The following SPNS2 variants were observed in gnomAD, a reference collection of about 807,000 sequenced individuals.
SPNS2 encodes the protein sphingosine-1-phosphate transporter SPNS2.
SPNS2 carries 37 observed loss-of-function variants against 57.6 expected under a neutral mutation model. The ratio of observed to expected loss-of-function variants is 0.64; its 90% CI spans 0.49 to 0.85. SPNS2 has a LOEUF of 0.85. Ranked by LOEUF, SPNS2 falls within the 40% of genes least tolerant of loss-of-function variation. The pLI is 0.00. For missense variants in SPNS2, 831 were observed against 779.1 expected, an observed-to-expected ratio of 1.07 and a Z score of -0.79; for synonymous variants, 440 against 346.9, an observed-to-expected ratio of 1.27 and a Z score of -2.98.
intron 9 of SPNS2, among the ~76,000 whole-genome samples, chr17:4,534,983 G>A (rs556031713): frequency 2.2e-4 from 33 of 152,284 alleles, no homozygotes; most frequent in African/African-American, 7.0e-4. Flanking sequence ...AGGGCCACTC[G>A]TTTCATCAGA....
At chr17:4,531,600 C>T (rs1441510401) in intron 5 of SPNS2, among the ~76,000 whole-genome samples, 3 of 152,056 alleles carry the variant, frequency 2.0e-5, no homozygotes, top group East Asian at 1.9e-4. Flanking sequence ...AGAGATCCCT[C>T]GTCTCTCGGA....
chr17:4,518,795 G>A (rs4239047), intron 2 of SPNS2, among the ~76,000 whole-genome samples: 39,115 of 151,894 alleles, frequency 0.26, 5,185 homozygotes, highest in South Asian at 0.39. Context: ...CCAGCCCAGC[G>A]ACTCCTGCTT....
chr17:4,513,455 T>A, intron 2 of SPNS2, 143 bp downstream of exon 2: 2 of 789,554 alleles, frequency 2.5e-6, no homozygotes, highest in Non-Finnish European at 4.1e-6. Context: ...CCAGTCTCAC[T>A]ATTGCCACCT....
In SPNS2 at chr17:4,537,343, G is replaced by A. The variant is rs143154748; in HGVS notation, c.*5-110G>A. 9.8e-4 allele frequency: 396 copies of A among 403,946 alleles called. 2 individuals carry two copies. Among genetic ancestry groups the A allele is most frequent in the African/African-American group, 7.3e-3 (357 of 48,796 alleles). The allele number at this position is 403,946 out of a possible 1,614,324, so 25.0% of individuals were successfully genotyped here. On this transcript the variant is annotated intron_variant, in intron 12 of 12. Coordinates refer to ENST00000329078, the MANE Select transcript of SPNS2 (RefSeq NM_001124758.3). ...ACGAGACCCAGGGTCACAGCTGCAG[G>A]TCCAGGAGAAGGCTTGCGTCTCCAA...
chr17:4,500,506 A>G (rs1181468298), intron 1 of SPNS2, among the ~76,000 whole-genome samples: 1 of 152,128 alleles, frequency 6.6e-6, no homozygotes, highest in Non-Finnish European at 1.5e-5. Flanking sequence ...CTGCAGGAGG[A>G]GAGCAGTACT....
chr17:4,512,649 C>T lies in SPNS2; in HGVS notation c.371-598C>T, dbSNP rs571340963. Among the ~76,000 whole-genome samples, 103 of 149,474 alleles carry T rather than the reference C, an allele frequency of 6.9e-4. No homozygotes were observed. The highest frequency in any genetic ancestry group is 2.4e-3 in the African/African-American group (93 of 39,384). On this transcript the variant is annotated intron_variant, in intron 1 of 12. Coordinates refer to ENST00000329078, the MANE Select transcript of SPNS2 (RefSeq NM_001124758.3). This position sits in a 1 kb window ranked among gnomAD's most constrained non-coding sequence, Gnocchi z 5.2. ...GGGTGACAGTGTGTGTGTGTGCGTG[C>T]GCGCGCACGGGTATGTGTGTGCGCG...
intron 2 of SPNS2, among the ~76,000 whole-genome samples, chr17:4,519,891 C>G (rs1437399903): frequency 6.6e-6 from 1 of 152,328 alleles, no homozygotes; most frequent in East Asian, 1.9e-4. Flanking sequence ...TCTCAGCCCC[C>G]TCCCCGTCCC....
Position 4,499,447 on chromosome 17 carries a change from C to T in SPNS2, c.370+30C>T, listed in dbSNP as rs1904397478. ...GCGAGTGCCCCACCCAGCCCGAGGA[C>T]CAAGACCCCACCCCATCCCACCACC... On this transcript the variant is annotated intron_variant, in intron 1 of 12. Transcript: ENST00000329078. The surrounding 1 kb of genome is among the most constrained non-coding windows in gnomAD (Gnocchi z 5.2). 7.8e-7 allele frequency: 1 copy of T among 1,274,006 alleles called. No homozygotes were observed. Among genetic ancestry groups the T allele is most frequent in the Non-Finnish European group, 1.0e-6 (1 of 996,874 alleles). 78.9% of individuals were successfully genotyped at this position (1,274,006 alleles called of 1,614,324 possible). A position where few individuals can be genotyped will look rare whatever the true frequency, so the allele number is the denominator to read the frequency against.
In SPNS2 at chr17:4,530,882, G is replaced by A. The variant is rs77751786; in HGVS notation, c.725+99G>A. ...CCCTGGGGTTCTAGCCCAGGCAGGCGTCCTCAGAGAGCTAAACATGTGGGC... is the reference window on the plus strand; with the variant it reads ...CCCTGGGGTTCTAGCCCAGGCAGGCATCCTCAGAGAGCTAAACATGTGGGC... On this transcript the variant is annotated intron_variant, in intron 4 of 12. Coordinates refer to ENST00000329078, the MANE Select transcript of SPNS2 (RefSeq NM_001124758.3). 2,206 of 1,506,054 alleles carry A rather than the reference G, an allele frequency of 1.5e-3. 32 individuals are homozygous for A. The African/African-American group carries it at 0.026, about 18-fold the overall frequency. 93.3% of individuals were successfully genotyped at this position (1,506,054 alleles called of 1,614,324 possible).
At chr17:4,505,011 A>G (rs749756128) in intron 1 of SPNS2, among the ~76,000 whole-genome samples, 4 of 152,206 alleles carry the variant, frequency 2.6e-5, no homozygotes, top group Non-Finnish European at 5.9e-5. Flanking sequence ...CGGGAGCTAC[A>G]GTAGCCAACT....
chr17:4,517,895 A>T (rs922734913), intron 2 of SPNS2, among the ~76,000 whole-genome samples: 1 of 152,288 alleles, frequency 6.6e-6, no homozygotes, highest in Non-Finnish European at 1.5e-5. Context: ...AAAAATATGT[A>T]TTAAAATAAA....
chr17:4,525,189 A>T lies in SPNS2; in HGVS notation c.569A>T (p.Gln190Leu). ...AVTFSSSFIP[Q>L]QYFWLLVLSR... ...ACCTTCTCCAGCTCCTTCATTCCCC[A>T]GCAGGTGAGGCCCGGCTCGGCTTCT... is the stretch of plus-strand genomic sequence containing the variant. The change falls in exon 3 of 13, where the codon CAG becomes CTG. Residue 190 changes from glutamine (Q) to leucine (L), a missense_variant. Coordinates refer to ENST00000329078, the MANE Select transcript of SPNS2 (RefSeq NM_001124758.3). 1 of 1,613,906 alleles carries T rather than the reference A, an allele frequency of 6.2e-7. No individual in the cohort carries two copies. The highest frequency in any genetic ancestry group is 8.5e-7 in the Non-Finnish European group (1 of 1,179,960).
chr17:4,506,086 T>TG (rs1161512890), intron 1 of SPNS2, among the ~76,000 whole-genome samples: 9 of 152,010 alleles, frequency 5.9e-5, no homozygotes, highest in Admixed American at 3.3e-4. Context: ...AGCCTTTTTG[T>TG]GGGGAGTTGT....
At chr17:4,536,234 C>G (rs752860068) in intron 10 of SPNS2, 29 bp from the exon 11 acceptor site, 1 of 1,609,576 alleles carries the variant, frequency 6.2e-7, no homozygotes, top group South Asian at 1.1e-5. Flanking sequence ...GAGGGCTCTG[C>G]CCTGACATCC....
chr17:4,535,155 G>A (rs1905714902), intron 9 of SPNS2, among the ~76,000 whole-genome samples: 1 of 152,098 alleles, frequency 6.6e-6, no homozygotes, highest in Non-Finnish European at 1.5e-5. Flanking sequence ...AGCTGGCTGT[G>A]CCTGTCCCGC....
rs1306854198 is a variant in SPNS2 at position 4,512,687 on chromosome 17, T to G, written c.371-560T>G. Among the ~76,000 whole-genome samples the G allele has an allele frequency of 6.6e-6, 1 of 151,564 alleles. No homozygotes were observed. The highest frequency in any genetic ancestry group is 1.5e-5 in the Non-Finnish European group (1 of 67,846). On this transcript the variant is annotated intron_variant, in intron 1 of 12. Coordinates refer to ENST00000329078, the MANE Select transcript of SPNS2 (RefSeq NM_001124758.3). This position sits in a 1 kb window ranked among gnomAD's most constrained non-coding sequence, Gnocchi z 5.2. ...ATGTGTGTGCGCGCGTGGGTGTGTA[T>G]GCATGTGTGCAGGTGTGTGCACACA...
At chr17:4,507,051 C>G (rs1904699109) in intron 1 of SPNS2, among the ~76,000 whole-genome samples, 1 of 152,182 alleles carries the variant, frequency 6.6e-6, no homozygotes, top group South Asian at 2.1e-4. Flanking sequence ...TCAGGGACTG[C>G]CTTGGCCCAG....
chr17:4,521,927 G>A (rs112779384), intron 2 of SPNS2, among the ~76,000 whole-genome samples: 9 of 152,340 alleles, frequency 5.9e-5, no homozygotes, highest in African/African-American at 1.9e-4. Context: ...GGCCGGGCAC[G>A]GTGGCTCACC....
chr17:4,516,497 A>C (rs1445896220), intron 2 of SPNS2, among the ~76,000 whole-genome samples: 1 of 152,046 alleles, frequency 6.6e-6, no homozygotes, highest in Non-Finnish European at 1.5e-5. Flanking sequence ...GATTCCCTCT[A>C]TCTATGGGGG....
Sources: allele counts gnomAD v4.1 joint callset (sites outside exome capture counted in the v4.1 genomes callset), GRCh38; gene constraint gnomAD v4.1.1; non-coding constraint Gnocchi (gnomAD v3.1); transcripts MANE v1.5; gene names NCBI Gene and HGNC (gene_info 2026-07-23, HGNC 2026-07-21).